The following NEK1 variants were observed in gnomAD, a reference collection of about 807,000 sequenced individuals.
The protein encoded by NEK1 is NIMA related kinase 1.
A neutral mutation model predicts 182.1 loss-of-function variants in NEK1; 137 were observed. The observed-to-expected ratio is 0.75, with a 90% CI of 0.65 to 0.87. NEK1 has a LOEUF of 0.87. Ranked by LOEUF, NEK1 falls within the 40% of genes least tolerant of loss-of-function variation. NEK1 has a pLI of 0.00. For missense variants in NEK1, 1,391 were observed against 1,494.4 expected (o/e 0.93, Z 1.14); for synonymous variants, 513 against 492.2 (o/e 1.04, Z -0.56).
intron 27 of NEK1, among the ~76,000 whole-genome samples, chr4:169,450,827 T>G (rs1476862442): frequency 6.6e-6 from 1 of 152,146 alleles, no homozygotes; most frequent in Non-Finnish European, 1.5e-5. Flanking sequence ...TAAATATAAA[T>G]GGGCTAAATG....
At chr4:169,583,905 G>A (rs944554950) in intron 10 of NEK1, among the ~76,000 whole-genome samples, 3 of 152,156 alleles carry the variant, frequency 2.0e-5, no homozygotes, top group South Asian at 2.1e-4. Flanking sequence ...TCTGTTTTCT[G>A]AAGAGTATTT....
At chr4:169,611,421 C>T (rs1182718955) in intron 2 of NEK1, among the ~76,000 whole-genome samples, 1 of 152,172 alleles carries the variant, frequency 6.6e-6, no homozygotes, top group Non-Finnish European at 1.5e-5. Flanking sequence ...TCCCCTCCAT[C>T]AGCTCTACAA....
intron 26 of NEK1, among the ~76,000 whole-genome samples, chr4:169,474,787 C>A: frequency 6.6e-6 from 1 of 152,176 alleles, no homozygotes; most frequent in Non-Finnish European, 1.5e-5. Context: ...CTCCTAGTAT[C>A]TTTTAAATAT....
chr4:169,543,530 A>G (rs900061711), intron 18 of NEK1, among the ~76,000 whole-genome samples: 3 of 152,126 alleles, frequency 2.0e-5, no homozygotes, highest in Non-Finnish European at 4.4e-5. Context: ...AAGAAAGTCA[A>G]TGGTAGCTTG....
intron 23 of NEK1, among the ~76,000 whole-genome samples, chr4:169,497,707 G>A (rs888484164): frequency 1.3e-5 from 2 of 152,226 alleles, no homozygotes; most frequent in African/African-American, 4.8e-5. Context: ...CCACGTAGTT[G>A]AGCGGTTTTG....
intron 18 of NEK1, among the ~76,000 whole-genome samples, chr4:169,550,162 G>A (rs1284793141): frequency 1.3e-5 from 2 of 152,048 alleles, no homozygotes; most frequent in Non-Finnish European, 2.9e-5. Flanking sequence ...GAGCTGTTGT[G>A]GTGACAGTGA....
intron 26 of NEK1, among the ~76,000 whole-genome samples, chr4:169,466,134 T>C (rs74895351): frequency 4.2e-4 from 64 of 152,064 alleles, no homozygotes; most frequent in African/African-American, 1.3e-3. Context: ...CTGACCGTGA[T>C]AGAGGTAAAG....
At chr4:169,608,485 A>G (rs1212169277) in intron 2 of NEK1, among the ~76,000 whole-genome samples, 1 of 152,244 alleles carries the variant, frequency 6.6e-6, no homozygotes, top group Non-Finnish European at 1.5e-5. Flanking sequence ...TAATAGTAAT[A>G]AAATAAAACA....
At chr4:169,542,266 G>A (rs750231983) in intron 18 of NEK1, among the ~76,000 whole-genome samples, 2 of 152,106 alleles carry the variant, frequency 1.3e-5, no homozygotes, top group Non-Finnish European at 2.9e-5. Context: ...TGTGGTGTTT[G>A]GTTGTCTGTT....
intron 19 of NEK1, among the ~76,000 whole-genome samples, chr4:169,524,461 CAAAAAAAAAAA>C (rs953408098): frequency 5.9e-5 from 3 of 50,602 alleles, no homozygotes; most frequent in Non-Finnish European, 1.5e-4. Context: ...AATTCCATCT[CAAAAAAAAAAA>C]AAAAAAAAGA....
rs890463969 is a variant in NEK1 at position 169,499,697 on chromosome 4, G to A, written c.2007+7340C>T. Reference sequence around the variant, plus strand: ...GACCGTTTGCCTGGGTATCAGCAGCGGAGGCTGCAGAACAGTGGATATTGG... The same window carrying A: ...GACCGTTTGCCTGGGTATCAGCAGCAGAGGCTGCAGAACAGTGGATATTGG... On this transcript the variant is annotated intron_variant, in intron 23 of 35. Transcript: ENST00000507142. Among the ~76,000 whole-genome samples the A allele has an allele frequency of 3.7e-4, 57 of 152,292 alleles. 2 individuals carry two copies. The highest frequency in any genetic ancestry group is 3.2e-3 in the Admixed American group (49 of 15,304).
At chr4:169,498,670 G>A (rs888789175) in intron 23 of NEK1, among the ~76,000 whole-genome samples, 3 of 152,070 alleles carry the variant, frequency 2.0e-5, no homozygotes, top group African/African-American at 4.8e-5. Flanking sequence ...ATGAAGCTTA[G>A]TTTGGCTGGA....
rs113016508 is a variant in NEK1, at chr4:169,529,092, T to C, written c.1665+8717A>G. 8.5e-5 allele frequency among the ~76,000 whole-genome samples: 13 copies of C among 152,100 alleles called. No individual in the cohort carries two copies. The South Asian group carries it at 2.3e-3, about 27-fold the overall frequency. ...ACTGAATGAGAATGAAAACACAACA[T>C]AGAAAATTTGTAGAATATGGCTACA... On this transcript the variant is annotated intron_variant, in intron 19 of 35. Coordinates refer to ENST00000507142, the MANE Select transcript of NEK1 (RefSeq NM_001199397.3).
At chr4:169,440,998 AT>A (rs1739343381) in intron 27 of NEK1, among the ~76,000 whole-genome samples, 1 of 152,092 alleles carries the variant, frequency 6.6e-6, no homozygotes, top group South Asian at 2.1e-4. Context: ...CCCTACTGAC[AT>A]TTACTCCATG....
At position 169,396,298 on chromosome 4, in the gene NEK1, A is replaced by G. The variant is rs1055156892; in HGVS notation, c.3848-1775T>C. 2.3e-5 allele frequency among the ~76,000 whole-genome samples: 3 copies of G among 132,858 alleles called. No homozygotes were observed. The Admixed American group carries it at 2.6e-4, about 12-fold the overall frequency. 87.2% of individuals were successfully genotyped at this position (132,858 alleles called of 152,430 possible). ...GGAGAATTGCTTGAACCTGGGAGGC[A>G]GAGGTTGCAGTGAGCCGAGATCATG... On this transcript the variant is annotated intron_variant, in intron 35 of 35. Coordinates refer to ENST00000507142, the MANE Select transcript of NEK1 (RefSeq NM_001199397.3).
intron 31 of NEK1, among the ~76,000 whole-genome samples, chr4:169,419,308 T>C (rs939179859): frequency 2.0e-5 from 3 of 150,592 alleles, no homozygotes; most frequent in African/African-American, 7.3e-5. Context: ...GAAGGTGAAA[T>C]GAAAACACTT....
chr4:169,434,892 A>G (rs192464467), intron 28 of NEK1, among the ~76,000 whole-genome samples: 2 of 152,248 alleles, frequency 1.3e-5, no homozygotes, highest in African/African-American at 4.8e-5. Context: ...TAGTACTTTA[A>G]GCTGTATCAT....
At chr4:169,486,372 T>G (rs1318993973) in intron 23 of NEK1, among the ~76,000 whole-genome samples, 4 of 152,192 alleles carry the variant, frequency 2.6e-5, no homozygotes, top group Non-Finnish European at 4.4e-5. Flanking sequence ...CACCAAATAG[T>G]GAGGCGAGGC....
chr4:169,588,553 ATTAT>A (rs1419685414), intron 8 of NEK1, 92 bp downstream of exon 8: 18 of 670,348 alleles, frequency 2.7e-5, no homozygotes, highest in African/African-American at 9.1e-5. Flanking sequence ...ACATGTATGT[ATTAT>A]TTATTTTAGA....
Sources: gnomAD v4.1 joint callset for allele counts (sites outside exome capture counted in the v4.1 genomes callset) on GRCh38, gnomAD v4.1.1 for gene constraint, MANE v1.5 for transcripts, NCBI Gene and HGNC (gene_info 2026-07-23, HGNC 2026-07-21) for gene names.